EPHB1: variants seen among roughly 807,000 people sequenced by gnomAD.
EPHB1 encodes ephrin type-B receptor 1.
A neutral mutation model predicts 94.4 loss-of-function variants in EPHB1; 30 were observed. That is an observed-to-expected ratio of 0.32 (90% CI 0.24 to 0.43). The LOEUF (loss-of-function observed/expected upper bound fraction) is 0.43. Ranked by LOEUF, EPHB1 falls within the 20% of genes least tolerant of loss-of-function variation. The probability of loss-of-function intolerance (pLI) is 1.00; values close to 1 mark genes in which losing one functional copy is unlikely to be tolerated. For missense variants in EPHB1, 1,055 were observed against 1,308.3 expected (o/e 0.81, Z 2.99); for synonymous variants, 522 against 489.1 (o/e 1.07, Z -0.89).
chr3:135,075,196 GTCA>G (rs1471834960), intron 3 of EPHB1, among the ~76,000 whole-genome samples: 5 of 152,168 alleles, frequency 3.3e-5, no homozygotes, highest in Admixed American at 2.6e-4. Context: ...TTCCTTTTCA[GTCA>G]TCTCTACCAC....
At chr3:134,875,155 G>C (rs1423053843) in intron 1 of EPHB1, among the ~76,000 whole-genome samples, 1 of 152,206 alleles carries the variant, frequency 6.6e-6, no homozygotes, top group Non-Finnish European at 1.5e-5. Context: ...GGAGGGCCCT[G>C]ACTTGTTGTG....
chr3:135,039,693 G>A (rs35138564), intron 3 of EPHB1, among the ~76,000 whole-genome samples: 39,547 of 152,184 alleles, frequency 0.26, 5,943 homozygotes, highest in East Asian at 0.71. Flanking sequence ...CCCCTTGCTC[G>A]GGGCCAGCAG....
chr3:134,889,646 A>C (rs915312893), intron 1 of EPHB1, among the ~76,000 whole-genome samples: 2 of 149,886 alleles, frequency 1.3e-5, no homozygotes, highest in Non-Finnish European at 3.0e-5. Flanking sequence ...CTTTTTTTTG[A>C]AAGTTTTCCT....
chr3:134,934,491 C>T (rs184791485), intron 2 of EPHB1, among the ~76,000 whole-genome samples: 3 of 152,290 alleles, frequency 2.0e-5, no homozygotes, highest in African/African-American at 7.2e-5. Context: ...AGATGAGCAG[C>T]AAGGCCACTG....
At chr3:134,803,276 G>T (rs921146767) in intron 1 of EPHB1, among the ~76,000 whole-genome samples, 1 of 152,196 alleles carries the variant, frequency 6.6e-6, no homozygotes, top group Non-Finnish European at 1.5e-5. Flanking sequence ...TAACCTCCTT[G>T]CTCTGCTTCT....
chr3:135,104,599 T>G (rs1396823810), intron 3 of EPHB1, among the ~76,000 whole-genome samples: 13 of 152,198 alleles, frequency 8.5e-5, no homozygotes, highest in Non-Finnish European at 1.8e-4. Flanking sequence ...GTAAGGCTTC[T>G]TGGTGAAAAA....
chr3:135,078,768 C>T (rs1168263315), intron 3 of EPHB1, among the ~76,000 whole-genome samples: 1 of 152,214 alleles, frequency 6.6e-6, no homozygotes, highest in Admixed American at 6.5e-5. Context: ...AAAGGAATCT[C>T]AAAATTCCAA....
At chr3:135,109,387 A>G (rs1197858485) in intron 4 of EPHB1, among the ~76,000 whole-genome samples, 1 of 152,172 alleles carries the variant, frequency 6.6e-6, no homozygotes, top group Non-Finnish European at 1.5e-5. Context: ...CTTCATAATA[A>G]TGTATGCTTT....
At chr3:134,816,680 T>C (rs2036279720) in intron 1 of EPHB1, among the ~76,000 whole-genome samples, 1 of 152,044 alleles carries the variant, frequency 6.6e-6, no homozygotes. Context: ...TAAATCATTC[T>C]TCTGCTTGCC....
chr3:134,976,996 A>G (rs901918995), intron 3 of EPHB1, among the ~76,000 whole-genome samples: 4 of 152,328 alleles, frequency 2.6e-5, no homozygotes, highest in Middle Eastern at 6.8e-3. Flanking sequence ...TGACAATTTT[A>G]CTTCAATAAA....
chr3:134,810,594 A>C (rs1468160020), intron 1 of EPHB1, among the ~76,000 whole-genome samples: 1 of 152,250 alleles, frequency 6.6e-6, no homozygotes, highest in African/African-American at 2.4e-5. Flanking sequence ...ATAATGTATC[A>C]GCGTACAAAG....
intron 4 of EPHB1, among the ~76,000 whole-genome samples, chr3:135,107,168 A>G (rs933274359): frequency 7.2e-5 from 11 of 152,248 alleles, no homozygotes; most frequent in African/African-American, 2.4e-4. Context: ...GTCAAATGAC[A>G]AGACCAGTGG....
intron 3 of EPHB1, among the ~76,000 whole-genome samples, chr3:134,952,352 T>TTCTC (rs752162465): frequency 2.7e-3 from 394 of 148,646 alleles, no homozygotes; most frequent in Non-Finnish European, 5.0e-3. Context: ...TCTCTCTCTC[T>TTCTC]TCTCTCTCTC....
chr3:135,229,633 C>G (rs1436408536), intron 12 of EPHB1, among the ~76,000 whole-genome samples: 3 of 152,150 alleles, frequency 2.0e-5, no homozygotes, highest in African/African-American at 7.2e-5. Flanking sequence ...CAATAGAAAA[C>G]ACCCCACAGC....
chr3:135,207,001 T>G (rs1238255279), intron 12 of EPHB1, among the ~76,000 whole-genome samples: 1 of 152,270 alleles, frequency 6.6e-6, no homozygotes, highest in East Asian at 1.9e-4. Context: ...CATGCACATA[T>G]ACATGTATAC....
At chr3:134,955,292 A>G (rs1933223151) in intron 3 of EPHB1, among the ~76,000 whole-genome samples, 1 of 28,466 alleles carries the variant, frequency 3.5e-5, no homozygotes, top group South Asian at 1.9e-3. Context: ...AGAGTGTGAT[A>G]TTCCCCTTCC....
chr3:134,952,383 ACACACACT>A (rs1933070619), intron 3 of EPHB1, among the ~76,000 whole-genome samples: 1 of 121,210 alleles, frequency 8.3e-6, no homozygotes, highest in African/African-American at 3.6e-5. Context: ...ACACACACAC[ACACACACT>A]CACACACACA....
rs1004173249 is a variant in EPHB1, at chr3:135,242,194, G to A, written c.2496+897G>A. The stretch of plus-strand genomic sequence containing the variant: ...TTGTGTTTTGCATACATACCCTCCC[G>A]TTGGAGCTGAGAGGATTACAATTTG... On this transcript the variant is annotated intron_variant, in intron 13 of 15. Transcript: ENST00000398015. Among the ~76,000 whole-genome samples, 12 of 152,226 alleles carry A rather than the reference G, an allele frequency of 7.9e-5. No homozygotes were observed. In the South Asian group the frequency reaches 8.3e-4, roughly 11 times the overall value.
intron 1 of EPHB1, among the ~76,000 whole-genome samples, chr3:134,842,861 G>A (rs1169862630): frequency 6.6e-6 from 1 of 152,098 alleles, no homozygotes; most frequent in Non-Finnish European, 1.5e-5. Flanking sequence ...ATTAATGATG[G>A]ATTTATTACA....
Sources: gnomAD v4.1 joint callset for allele counts (sites outside exome capture counted in the v4.1 genomes callset) on GRCh38, gnomAD v4.1.1 for gene constraint, MANE v1.5 for transcripts, NCBI Gene and HGNC (gene_info 2026-07-23, HGNC 2026-07-21) for gene names.